Variants in MARCHF6 observed in about 807,000 individuals in gnomAD.
The protein encoded by MARCHF6 is membrane associated ring-CH-type finger 6, also known as E3 ubiquitin-protein ligase MARCHF6.
In MARCHF6, 31 loss-of-function variants were observed where a neutral mutation model predicts 133.7. The observed-to-expected ratio is 0.23, with a 90% CI of 0.17 to 0.31. The LOEUF is 0.31. Among genes scored for constraint, MARCHF6 ranks in the 10% least tolerant of loss-of-function variants. MARCHF6 has a pLI of 1.00. For missense variants in MARCHF6, 723 were observed against 1,121.6 expected (o/e 0.64, Z 5.08); for synonymous variants, 395 against 402.5 (o/e 0.98, Z 0.22).
rs1447774542 is a variant in MARCHF6 at position 10,438,022 on chromosome 5, C to G, written c.*4338C>G. On this transcript the variant is annotated 3_prime_UTR_variant, in exon 26 of 26. Coordinates refer to ENST00000274140, the MANE Select transcript of MARCHF6 (RefSeq NM_005885.4). ...ATGTATACATTTAAATGCATAGTTG[C>G]AGAGGACACATCCCTCCCCTTCTGT... 1 of 152,618 alleles carries G rather than the reference C, an allele frequency of 6.6e-6. No homozygotes were observed. Among genetic ancestry groups the G allele is most frequent in the Non-Finnish European group, 1.5e-5 (1 of 68,030 alleles). The allele number at this position is 152,618 out of a possible 1,614,324, so 9.5% of individuals were successfully genotyped here.
intron 10 of MARCHF6, among the ~76,000 whole-genome samples, chr5:10,399,406 T>C (rs533719416): frequency 6.6e-6 from 1 of 152,184 alleles, no homozygotes; most frequent in South Asian, 2.1e-4. Flanking sequence ...GCCAGATCCC[T>C]AGTAGGTTCA....
intron 25 of MARCHF6, among the ~76,000 whole-genome samples, chr5:10,430,433 G>T (rs549666900): frequency 6.6e-6 from 1 of 151,458 alleles, no homozygotes; most frequent in Non-Finnish European, 1.5e-5. Context: ...AGCCTCCCAA[G>T]TAGCTGGGAT....
Position 10,415,544 on chromosome 5 carries a change from C to T in MARCHF6, c.2023C>T (p.Leu675Phe). ...FWTGTAKIHELYTAACGLYVC... is the reference protein window; with the variant it reads ...FWTGTAKIHEFYTAACGLYVC... ...GACGGGGACTGCCAAAATCCATGAG[C>T]TCTACACAGCTGCTTGTGGTCTCTA... The change falls in exon 21 of 26, where the codon CTC (leucine) becomes TTC (phenylalanine). Residue 675 changes from leucine (L) to phenylalanine (F), a missense_variant. Leu to Phe is a conservative substitution (Grantham distance 22). Coordinates refer to ENST00000274140, the MANE Select transcript of MARCHF6 (RefSeq NM_005885.4). The T allele has an allele frequency of 6.3e-7, 1 of 1,594,192 alleles. No homozygotes were observed. The highest frequency in any genetic ancestry group is 8.5e-7 in the Non-Finnish European group (1 of 1,170,486).
In MARCHF6 at chr5:10,405,697, G is replaced by GTTT. The variant is rs376029502; in HGVS notation, c.1452+30_1452+32dup. On this transcript the variant is annotated intron_variant, in intron 16 of 25. Transcript: ENST00000274140. ...TCAGTGGTAAGAAGATGTTTCCATT[G>GTTT]TTTTTTTTTTTTGAATTAATTGTGC... 1.6e-5 allele frequency: 19 copies of GTTT among 1,193,242 alleles called. No homozygotes were observed. Among genetic ancestry groups the GTTT allele is most frequent in the Admixed American group, 1.1e-4 (4 of 36,842 alleles). 73.9% of individuals were successfully genotyped at this position (1,193,242 alleles called of 1,614,324 possible). A position where few individuals can be genotyped will look rare whatever the true frequency, so the allele number is the denominator to read the frequency against.
chr5:10,418,355 G>A (rs1208445435), intron 22 of MARCHF6, among the ~76,000 whole-genome samples: 3 of 150,916 alleles, frequency 2.0e-5, no homozygotes, highest in Admixed American at 6.6e-5. Flanking sequence ...ACTCCAGCCC[G>A]GGCGACAAGA....
chr5:10,422,742 A>G (rs752045532), intron 22 of MARCHF6, among the ~76,000 whole-genome samples: 3 of 140,900 alleles, frequency 2.1e-5, no homozygotes, highest in African/African-American at 3.2e-5. Context: ...TGGCCTCAAG[A>G]TGGTAGACAG....
chr5:10,387,018 C>A lies in MARCHF6; in HGVS notation c.359C>A (p.Thr120Asn). 6.2e-7 allele frequency: 1 copy of A among 1,613,254 alleles called. No individual in the cohort carries two copies. Among genetic ancestry groups the A allele is most frequent in the South Asian group, 1.1e-5 (1 of 91,014 alleles). The change falls in exon 5 of 26, where the codon ACT (threonine) becomes AAT (asparagine). Residue 120 changes from threonine (T) to asparagine (N), a missense_variant. By Grantham distance (65) the Thr-to-Asn change is moderately conservative (BLOSUM62 0). Transcript: ENST00000274140. ...TACRIYKCLF[T>N]GSVSSLLTLP... ...GGCCGCATCTACAAGTGCTTGTTTA[C>A]TGGCTCCGTGAGCTCACTACTGACG...
At chr5:10,378,388 A>G (rs1736916172) in intron 2 of MARCHF6, among the ~76,000 whole-genome samples, 1 of 152,226 alleles carries the variant, frequency 6.6e-6, no homozygotes, top group Non-Finnish European at 1.5e-5. Flanking sequence ...GTCCTTGGCC[A>G]CATAGCCAGC....
chr5:10,403,274 A>T, intron 14 of MARCHF6, 133 bp from the exon 15 acceptor site: 3 of 760,112 alleles, frequency 3.9e-6, no homozygotes, highest in Non-Finnish European at 6.3e-6. Context: ...CCGTGGAATG[A>T]CATTAAGTGA....
intron 1 of MARCHF6, among the ~76,000 whole-genome samples, chr5:10,356,362 A>G (rs577931134): frequency 7.6e-6 from 1 of 131,898 alleles, no homozygotes; most frequent in South Asian, 2.4e-4. Flanking sequence ...ATTTTATTTT[A>G]TTTTATTTTA....
At position 10,429,981 on chromosome 5, in the gene MARCHF6, C is replaced by T; in HGVS notation, c.2595C>T (p.Phe865=). 3 of 1,613,634 alleles carry T rather than the reference C, an allele frequency of 1.9e-6. No homozygotes were observed. Among genetic ancestry groups the T allele is most frequent in the Admixed American group, 3.3e-5 (2 of 60,018 alleles). ...TGGTATTGATGGCAATTTTGTCCTT[C>T]CAAGTCCGCCAGTTTAAGCGCCTTT... ...MVVVLMAILS[F]QVRQFKRLYE... is the part of the protein sequence containing the mutation. Residue 865 remains phenylalanine (F), a synonymous_variant, in exon 25 of 26, where the codon TTC becomes TTT. Transcript: ENST00000274140.
chr5:10,376,797 T>C (rs1469489943), intron 1 of MARCHF6, among the ~76,000 whole-genome samples: 1 of 152,188 alleles, frequency 6.6e-6, no homozygotes, highest in Non-Finnish European at 1.5e-5. Flanking sequence ...CTCACTTGAA[T>C]CCGATGGATG....
intron 1 of MARCHF6, among the ~76,000 whole-genome samples, chr5:10,372,574 C>T (rs1278900694): frequency 6.6e-6 from 1 of 151,962 alleles, no homozygotes; most frequent in Non-Finnish European, 1.5e-5. Flanking sequence ...TCATATAAAC[C>T]AAACCACTTA....
intron 17 of MARCHF6, among the ~76,000 whole-genome samples, chr5:10,408,160 A>G (rs959556541): frequency 7.2e-5 from 11 of 152,078 alleles, no homozygotes; most frequent in African/African-American, 2.7e-4. Context: ...TTACTAATCT[A>G]ACTCGATTTG....
At chr5:10,406,218 A>G (rs893651289) in intron 16 of MARCHF6, among the ~76,000 whole-genome samples, 10 of 152,164 alleles carry the variant, frequency 6.6e-5, no homozygotes, top group Non-Finnish European at 1.3e-4. Context: ...TGATGCCAAA[A>G]TGGTTGGGGA....
chr5:10,386,212 C>G (rs1028082348), intron 4 of MARCHF6, among the ~76,000 whole-genome samples: 1 of 152,042 alleles, frequency 6.6e-6, no homozygotes, highest in Non-Finnish European at 1.5e-5. Context: ...TCCATTTTGA[C>G]TTGGTTTTGA....
chr5:10,353,764 C>G lies in MARCHF6; in HGVS notation c.-135C>G. On this transcript the variant is annotated 5_prime_UTR_variant, in exon 1 of 26. Transcript: ENST00000274140. ...TCTCTCCCTCTCCCTCTCCCCTCTC[C>G]TTCCTCTCGCTTCCTCTCTCGCACC... is the stretch of plus-strand genomic sequence containing the variant. The G allele has an allele frequency of 1.4e-6, 1 of 717,678 alleles. No homozygotes were observed. Among genetic ancestry groups the G allele is most frequent in the Non-Finnish European group, 2.3e-6 (1 of 426,356 alleles). 44.5% of individuals were successfully genotyped at this position (717,678 alleles called of 1,614,324 possible).
chr5:10,403,300 A>C, intron 14 of MARCHF6, 107 bp from the exon 15 acceptor site: 1 of 1,060,202 alleles, frequency 9.4e-7, no homozygotes, highest in Non-Finnish European at 1.4e-6. Context: ...AGTTCTAGGA[A>C]TTGTTCCTTG....
chr5:10,374,037 G>GCGAC (rs1736622088), intron 1 of MARCHF6, among the ~76,000 whole-genome samples: 1 of 151,654 alleles, frequency 6.6e-6, no homozygotes, highest in Non-Finnish European at 1.5e-5. Context: ...GCCTACTGAG[G>GCGAC]CGACCACTGT....
Sources: allele counts gnomAD v4.1 joint callset (sites outside exome capture counted in the v4.1 genomes callset), GRCh38; gene constraint gnomAD v4.1.1; transcripts MANE v1.5; gene names NCBI Gene and HGNC (gene_info 2026-07-23, HGNC 2026-07-21).